Variants in SETBP1 observed in about 807,000 individuals in gnomAD.
The protein encoded by SETBP1 is SET binding protein 1, also known as SET-binding protein.
In SETBP1, 9 loss-of-function variants were observed where a neutral mutation model predicts 101.0. That is an observed-to-expected ratio of 0.09 (90% CI 0.05 to 0.16). The LOEUF (loss-of-function observed/expected upper bound fraction) is 0.16. SETBP1 is among the 10% of genes least tolerant of loss of function. The probability of loss-of-function intolerance (pLI) is 1.00; values close to 1 mark genes in which losing one functional copy is unlikely to be tolerated. For missense variants in SETBP1, 1,858 were observed against 2,033.8 expected (o/e 0.91, Z 1.66); for synonymous variants, 818 against 788.5 (o/e 1.04, Z -0.63).
At chr18:44,774,739 G>A (rs1465347025) in intron 2 of SETBP1, among the ~76,000 whole-genome samples, 1 of 152,180 alleles carries the variant, frequency 6.6e-6, no homozygotes, top group Non-Finnish European at 1.5e-5. Flanking sequence ...TAGTTATACA[G>A]TCTGGAAGGG....
rs773249152 is a variant in SETBP1, at chr18:44,950,459, C to T, written c.1119C>T (p.Ser373=). Residue 373 remains serine, a synonymous_variant, in exon 4 of 6, where the codon TCC becomes TCT. Transcript: ENST00000649279. ...DNTEGKREGY[S]ADSAQEASPA... ...CAGAAGGGAAAAGGGAAGGTTATTC[C>T]GCAGATAGTGCCCAAGAGGCATCAC... 7.1e-5 allele frequency: 115 copies of T among 1,613,976 alleles called. No individual in the cohort carries two copies. Among genetic ancestry groups the T allele is most frequent in the Middle Eastern group, 6.6e-4 (4 of 6,084 alleles).
rs1425966707 is a variant in SETBP1, at chr18:44,995,238, T to A, written c.4000+41898T>A. Among the ~76,000 whole-genome samples, 13 of 148,804 alleles carry A rather than the reference T, an allele frequency of 8.7e-5. No individual in the cohort carries two copies. The South Asian group carries it at 1.5e-3, about 17-fold the overall frequency. The stretch of plus-strand genomic sequence containing the variant: ...CTCACTGCAAGCTCCGCCTCCTGGG[T>A]TCACGCCATTCTCCTGCCTCAGCCT... On this transcript the variant is annotated intron_variant, in intron 4 of 5. Transcript: ENST00000649279.
At position 44,795,361 on chromosome 18, in the gene SETBP1, A is replaced by G. The variant is rs530281847; in HGVS notation, c.487-73869A>G. ...TAATTCACTCATTGCTACTTGGCACATCGAACACCAAGTCTTCTTCCTCAT... is the reference window on the plus strand; with the variant it reads ...TAATTCACTCATTGCTACTTGGCACGTCGAACACCAAGTCTTCTTCCTCAT... On this transcript the variant is annotated intron_variant, in intron 2 of 5. Coordinates refer to ENST00000649279, the MANE Select transcript of SETBP1 (RefSeq NM_015559.3). Among the ~76,000 whole-genome samples, 17 of 152,336 alleles carry G rather than the reference A, an allele frequency of 1.1e-4. No homozygotes were observed. The South Asian group carries it at 3.3e-3, about 30-fold the overall frequency.
chr18:44,783,775 C>A (rs558506369), intron 2 of SETBP1, among the ~76,000 whole-genome samples: 1 of 152,294 alleles, frequency 6.6e-6, no homozygotes. Context: ...GTTAACTTGA[C>A]TTGTCCAAGA....
rs1016472864 is a variant in SETBP1, at chr18:44,982,244, C to T, written c.4000+28904C>T. 5.9e-5 allele frequency among the ~76,000 whole-genome samples: 9 copies of T among 152,150 alleles called. No individual in the cohort carries two copies. The East Asian group carries it at 7.7e-4, about 13-fold the overall frequency. On this transcript the variant is annotated intron_variant, in intron 4 of 5. Coordinates refer to ENST00000649279, the MANE Select transcript of SETBP1 (RefSeq NM_015559.3). The stretch of plus-strand genomic sequence containing the variant: ...GGAAAATGGTAGCATCATTGAAATG[C>T]GCACAAGCAAAAAGCCTGGGAAGCA...
intron 3 of SETBP1, among the ~76,000 whole-genome samples, chr18:44,880,726 A>G (rs192585615): frequency 3.5e-4 from 53 of 152,234 alleles, no homozygotes; most frequent in African/African-American, 1.3e-3. Flanking sequence ...CAGAGGTGCC[A>G]CATGTTTTAA....
intron 2 of SETBP1, among the ~76,000 whole-genome samples, chr18:44,855,773 T>C (rs1377244998): frequency 6.6e-6 from 1 of 152,244 alleles, no homozygotes; most frequent in African/African-American, 2.4e-5. Context: ...ACTGGCATGG[T>C]GTGCTCAGAT....
chr18:44,841,212 T>C (rs2072609280), intron 2 of SETBP1, among the ~76,000 whole-genome samples: 1 of 152,170 alleles, frequency 6.6e-6, no homozygotes, highest in Non-Finnish European at 1.5e-5. Flanking sequence ...GATAGGTCTA[T>C]GGGATCCCCT....
At chr18:45,046,139 G>T (rs538837563) in intron 5 of SETBP1, among the ~76,000 whole-genome samples, 1 of 152,174 alleles carries the variant, frequency 6.6e-6, no homozygotes, top group South Asian at 2.1e-4. Context: ...TGGACCAAAG[G>T]ATCGCATAGT....
At chr18:44,744,893 C>T (rs1172694443) in intron 2 of SETBP1, among the ~76,000 whole-genome samples, 24 of 152,020 alleles carry the variant, frequency 1.6e-4, no homozygotes, top group Admixed American at 1.5e-3. Context: ...AGATTCAGGG[C>T]ATTGTCCAGG....
intron 2 of SETBP1, among the ~76,000 whole-genome samples, chr18:44,735,163 T>C (rs2069936059): frequency 6.6e-6 from 1 of 152,188 alleles, no homozygotes; most frequent in African/African-American, 2.4e-5. Flanking sequence ...ATTTAGTCCA[T>C]GTTGCTAAAT....
intron 2 of SETBP1, among the ~76,000 whole-genome samples, chr18:44,785,343 C>A (rs1568143034): frequency 6.6e-6 from 1 of 152,152 alleles, no homozygotes; most frequent in Non-Finnish European, 1.5e-5. Context: ...AGTTGCATTG[C>A]AGGTGTTTTC....
chr18:44,923,916 C>A (rs1262690085), intron 3 of SETBP1, among the ~76,000 whole-genome samples: 1 of 152,130 alleles, frequency 6.6e-6, no homozygotes. Flanking sequence ...AGAAAATGAG[C>A]CAGCATGGTG....
chr18:44,736,838 G>A (rs1415018434), intron 2 of SETBP1, among the ~76,000 whole-genome samples: 1 of 152,150 alleles, frequency 6.6e-6, no homozygotes, highest in Non-Finnish European at 1.5e-5. Context: ...GGTATTGCTG[G>A]AAAGGGAGTT....
intron 4 of SETBP1, among the ~76,000 whole-genome samples, chr18:44,973,093 T>C (rs1231806987): frequency 6.6e-6 from 1 of 152,218 alleles, no homozygotes; most frequent in Non-Finnish European, 1.5e-5. Context: ...TAAAGGGTAG[T>C]TGAATTTTGT....
At position 44,701,616 on chromosome 18, in the gene SETBP1, A is replaced by C; in HGVS notation, c.270A>C (p.Glu90Asp). 6.2e-7 allele frequency: 1 copy of C among 1,614,166 alleles called. No homozygotes were observed. ...CAGGAGATGGTTTGGAAGAGCAGGA[A>C]TTTTCTATCAAGGAGGCAAACTTCA... ...WVAGDGLEEQ[E>D]FSIKEANFTE... The change falls in exon 2 of 6, where the codon GAA (glutamate) becomes GAC (aspartate). Residue 90 changes from glutamate (E) to aspartate (D), a missense_variant. By Grantham distance (45) the Glu-to-Asp change is conservative. Around this residue, in one of 12 missense-constraint regions of SETBP1, gnomAD observed 28 missense variants for 59.2 expected, o/e 0.47. Coordinates refer to ENST00000649279, the MANE Select transcript of SETBP1 (RefSeq NM_015559.3).
intron 4 of SETBP1, among the ~76,000 whole-genome samples, chr18:45,024,528 T>C (rs2073127944): frequency 6.6e-6 from 1 of 152,232 alleles, no homozygotes; most frequent in Non-Finnish European, 1.5e-5. Flanking sequence ...TCATCTTCAC[T>C]GTACACTTCT....
chr18:44,774,848 A>G (rs1016566800), intron 2 of SETBP1, among the ~76,000 whole-genome samples: 1 of 151,958 alleles, frequency 6.6e-6, no homozygotes, highest in African/African-American at 2.4e-5. Flanking sequence ...TGAGTGAGTT[A>G]CAGGTCTCTA....
chr18:45,021,473 T>C (rs67156509), intron 4 of SETBP1, among the ~76,000 whole-genome samples: 6,899 of 152,286 alleles, frequency 0.045, 176 homozygotes, highest in South Asian at 0.095. Context: ...ATGTTCACCC[T>C]CTGTCATTAT....
Sources: gnomAD v4.1 joint callset for allele counts (sites outside exome capture counted in the v4.1 genomes callset) on GRCh38, gnomAD v4.1.1 for gene constraint, gnomAD v4.1.1 regional missense constraint, MANE v1.5 for transcripts, NCBI Gene and HGNC (gene_info 2026-07-23, HGNC 2026-07-21) for gene names.